Variants in RALGAPA2 observed in about 807,000 individuals in gnomAD.
RALGAPA2 encodes Ral GTPase activating protein catalytic subunit alpha 2.
Under a neutral mutation model 230.4 loss-of-function variants are expected in RALGAPA2, and 139 were observed. The ratio of observed to expected loss-of-function variants is 0.60; its 90% CI spans 0.53 to 0.69. The LOEUF is 0.69. Among genes scored for constraint, RALGAPA2 ranks in the 30% least tolerant of loss-of-function variants. The pLI, the probability that RALGAPA2 is intolerant of heterozygous loss-of-function variation, is 0.00. For synonymous variants in RALGAPA2, 847 were observed against 837.8 expected, an observed-to-expected ratio of 1.01 and a Z score of -0.19; for missense variants, 2,163 against 2,276.0, an observed-to-expected ratio of 0.95 and a Z score of 1.01.
intron 36 of RALGAPA2, among the ~76,000 whole-genome samples, chr20:20,489,813 CTCT>C (rs2062006080): frequency 6.6e-6 from 1 of 152,170 alleles, no homozygotes; most frequent in Non-Finnish European, 1.5e-5. Context: ...AGTGTGCTGT[CTCT>C]TGAGCCAAAA....
intron 38 of RALGAPA2, among the ~76,000 whole-genome samples, chr20:20,400,873 G>A (rs2059819202): frequency 6.6e-6 from 1 of 152,176 alleles, no homozygotes; most frequent in Admixed American, 6.5e-5. Flanking sequence ...ATACCGATAT[G>A]GGCTACACAT....
At chr20:20,542,763 GACATATTAAAGA>G in intron 24 of RALGAPA2, among the ~76,000 whole-genome samples, 2 of 152,096 alleles carry the variant, frequency 1.3e-5, no homozygotes, top group South Asian at 4.1e-4. Context: ...ATTAACTCAA[GACATATTAAAGA>G]TTTAAACATA....
At chr20:20,699,225 G>A (rs912123410) in intron 1 of RALGAPA2, among the ~76,000 whole-genome samples, 1 of 152,098 alleles carries the variant, frequency 6.6e-6, no homozygotes, top group Admixed American at 6.5e-5. Flanking sequence ...CAAAGGTGAT[G>A]TGTCTGTTTC....
At chr20:20,664,151 T>C (rs1204078656) in intron 3 of RALGAPA2, among the ~76,000 whole-genome samples, 1 of 152,236 alleles carries the variant, frequency 6.6e-6, no homozygotes, top group Non-Finnish European at 1.5e-5. Flanking sequence ...TTTAATGTTT[T>C]TGGACCCTGG....
chr20:20,641,099 G>A (rs894668776), intron 5 of RALGAPA2, among the ~76,000 whole-genome samples: 7 of 152,142 alleles, frequency 4.6e-5, no homozygotes, highest in African/African-American at 1.7e-4. Flanking sequence ...AAATGTAAGC[G>A]CTGCCACTTT....
chr20:20,701,932 C>T (rs1185647938), intron 1 of RALGAPA2, among the ~76,000 whole-genome samples: 2 of 143,250 alleles, frequency 1.4e-5, no homozygotes, highest in East Asian at 2.1e-4. Flanking sequence ...CCTAGCTACT[C>T]GGGAGGCTGA....
intron 26 of RALGAPA2, 93 bp from the exon 27 acceptor site, chr20:20,531,888 A>G: frequency 9.6e-7 from 1 of 1,042,350 alleles, no homozygotes; most frequent in Non-Finnish European, 1.4e-6. Flanking sequence ...AAATCTATTT[A>G]TACAAAATAG....
intron 3 of RALGAPA2, among the ~76,000 whole-genome samples, chr20:20,656,671 A>T (rs1403710060): frequency 6.6e-6 from 1 of 152,250 alleles, no homozygotes; most frequent in East Asian, 1.9e-4. Context: ...CAGAATAAGT[A>T]AAACAGCTCT....
At chr20:20,546,665 C>G (rs1322251996) in intron 24 of RALGAPA2, 39 bp downstream of exon 24, 4 of 1,546,308 alleles carry the variant, frequency 2.6e-6, no homozygotes, top group African/African-American at 1.4e-5. Flanking sequence ...GATTGTGAAG[C>G]CTCTTGGGAG....
chr20:20,475,366 T>A (rs753017376), intron 36 of RALGAPA2, among the ~76,000 whole-genome samples: 6 of 152,168 alleles, frequency 3.9e-5, no homozygotes, highest in Non-Finnish European at 8.8e-5. Flanking sequence ...ATATATCTTA[T>A]CAAGCAGAAT....
At chr20:20,629,904 T>C (rs2066614974) in intron 9 of RALGAPA2, among the ~76,000 whole-genome samples, 1 of 152,252 alleles carries the variant, frequency 6.6e-6, no homozygotes, top group Non-Finnish European at 1.5e-5. Context: ...TAAATTAATG[T>C]GTAAAAACAT....
chr20:20,587,255 T>C (rs183398778), intron 18 of RALGAPA2, among the ~76,000 whole-genome samples: 18 of 152,148 alleles, frequency 1.2e-4, no homozygotes, highest in African/African-American at 4.1e-4. Flanking sequence ...ATAACTTCCA[T>C]TAGAAGGAAA....
chr20:20,677,810 A>G (rs954769038), intron 2 of RALGAPA2, among the ~76,000 whole-genome samples: 3 of 149,704 alleles, frequency 2.0e-5, no homozygotes, highest in African/African-American at 7.4e-5. Context: ...CACCCGGCTA[A>G]TTTTTTTTTG....
rs537507438 is a variant in RALGAPA2, at chr20:20,557,980, A to G, written c.3157-11148T>C. On this transcript the variant is annotated intron_variant, in intron 23 of 39. Transcript: ENST00000202677. The stretch of plus-strand genomic sequence containing the variant: ...TATTCGTGAATAATGGGCCTCATAT[A>G]TAGTGCACAGTACTATTTTTTCAAT... 1.4e-4 allele frequency among the ~76,000 whole-genome samples: 21 copies of G among 152,260 alleles called. No individual in the cohort carries two copies. In the South Asian group the frequency reaches 3.3e-3, roughly 24 times the overall value.
chr20:20,458,077 C>T (rs927772226), intron 37 of RALGAPA2, among the ~76,000 whole-genome samples: 1 of 152,134 alleles, frequency 6.6e-6, no homozygotes, highest in African/African-American at 2.4e-5. Flanking sequence ...GAGGAGGCCA[C>T]GGTCAGCAAT....
intron 4 of RALGAPA2, among the ~76,000 whole-genome samples, chr20:20,648,252 C>T (rs2067282480): frequency 6.6e-6 from 1 of 152,102 alleles, no homozygotes. Flanking sequence ...AGAGTACATA[C>T]TTCATGATTC....
chr20:20,597,209 T>C (rs1040148419), intron 16 of RALGAPA2, among the ~76,000 whole-genome samples: 3 of 152,162 alleles, frequency 2.0e-5, no homozygotes, highest in Non-Finnish European at 4.4e-5. Flanking sequence ...AAAAATTCTT[T>C]TGGGGTGTGT....
chr20:20,664,140 A>T (rs2067879285), intron 3 of RALGAPA2, among the ~76,000 whole-genome samples: 1 of 152,226 alleles, frequency 6.6e-6, no homozygotes, highest in Non-Finnish European at 1.5e-5. Flanking sequence ...TTAATTTTCC[A>T]TTTAATGTTT....
intron 33 of RALGAPA2, among the ~76,000 whole-genome samples, chr20:20,508,450 C>T (rs1002734370): frequency 6.6e-6 from 1 of 152,082 alleles, no homozygotes; most frequent in African/African-American, 2.4e-5. Context: ...CATGAAAAAG[C>T]CAAAGAAAAG....
Sources: allele counts gnomAD v4.1 joint callset (sites outside exome capture counted in the v4.1 genomes callset), GRCh38; gene constraint gnomAD v4.1.1; transcripts MANE v1.5; gene names NCBI Gene and HGNC (gene_info 2026-07-23, HGNC 2026-07-21).